Variants in PTPRN2 observed in about 807,000 individuals in gnomAD.
PTPRN2 encodes the protein receptor-type tyrosine-protein phosphatase N2.
A neutral mutation model predicts 118.8 loss-of-function variants in PTPRN2; 74 were observed. That is an observed-to-expected ratio of 0.62 (90% CI 0.52 to 0.76). The LOEUF (loss-of-function observed/expected upper bound fraction) is 0.76, where lower values mean the gene tolerates loss of function less well. Ranked by LOEUF, PTPRN2 falls within the 30% of genes least tolerant of loss-of-function variation. The pLI, the probability that PTPRN2 is intolerant of heterozygous loss-of-function variation, is 0.00. For synonymous variants in PTPRN2, 641 were observed against 608.0 expected, an observed-to-expected ratio of 1.05 and a Z score of -0.80; for missense variants, 1,481 against 1,394.4, an observed-to-expected ratio of 1.06 and a Z score of -0.99.
At chr7:157,759,759 C>T (rs771265894) in intron 12 of PTPRN2, among the ~76,000 whole-genome samples, 1 of 152,194 alleles carries the variant, frequency 6.6e-6, no homozygotes, top group Non-Finnish European at 1.5e-5. Flanking sequence ...TGAGAATGGT[C>T]GCCTGGGCAG....
chr7:158,453,750 A>G (rs114663015), intron 2 of PTPRN2, among the ~76,000 whole-genome samples: 2,881 of 152,376 alleles, frequency 0.019, 86 homozygotes, highest in South Asian at 0.066. Flanking sequence ...TCTCCTAAGT[A>G]CTAAGCATTC....
intron 1 of PTPRN2, among the ~76,000 whole-genome samples, chr7:158,490,259 A>C (rs551785910): frequency 4.1e-4 from 62 of 152,312 alleles, no homozygotes; most frequent in African/African-American, 1.3e-3. Context: ...TGGGAAGCAA[A>C]CCGTGGCGTC....
At chr7:157,746,851 C>A (rs1222485881) in intron 12 of PTPRN2, among the ~76,000 whole-genome samples, 1 of 148,730 alleles carries the variant, frequency 6.7e-6, no homozygotes, top group Non-Finnish European at 1.5e-5. Flanking sequence ...CCCTGAGCTG[C>A]GGGCAGTTGA....
At chr7:157,757,100 G>GA (rs112331698) in intron 12 of PTPRN2, among the ~76,000 whole-genome samples, 1,876 of 151,760 alleles carry the variant, frequency 0.012, 40 homozygotes, top group African/African-American at 0.043. Flanking sequence ...CAAGATAAAA[G>GA]TTTTTTTTTA....
intron 6 of PTPRN2, among the ~76,000 whole-genome samples, chr7:158,163,433 T>C (rs1822556010): frequency 6.6e-6 from 1 of 151,524 alleles, no homozygotes; most frequent in East Asian, 2.0e-4. Flanking sequence ...GCGTGTTTCA[T>C]AGGTGACGCC....
At chr7:158,492,479 C>A (rs1821531915) in intron 1 of PTPRN2, among the ~76,000 whole-genome samples, 1 of 152,220 alleles carries the variant, frequency 6.6e-6, no homozygotes, top group African/African-American at 2.4e-5. Flanking sequence ...AGATGTGCAT[C>A]AAATGATCTC....
chr7:158,097,885 A>G (rs1229779115), intron 10 of PTPRN2, among the ~76,000 whole-genome samples: 1 of 152,232 alleles, frequency 6.6e-6, no homozygotes, highest in Non-Finnish European at 1.5e-5. Context: ...TCTGAGAGTG[A>G]CAGCTTGCGC....
Position 157,893,374 on chromosome 7 carries a change from G to A in PTPRN2, c.1788+5299C>T, listed in dbSNP as rs1015368120. Among the ~76,000 whole-genome samples the A allele has an allele frequency of 1.3e-5, 2 of 152,166 alleles. No individual in the cohort carries two copies. The highest frequency in any genetic ancestry group is 2.9e-5 in the Non-Finnish European group (2 of 68,024). On this transcript the variant is annotated intron_variant, in intron 12 of 22. Coordinates refer to ENST00000389418, the MANE Select transcript of PTPRN2 (RefSeq NM_002847.5). The surrounding 1 kb of genome is among the most constrained non-coding windows in gnomAD (Gnocchi z 4.0). ...TCCTGCCTCTGCCCTCAGCCCCCAC[G>A]GTCCCCCGCAGTCTAGGGAGAACCT...
intron 11 of PTPRN2, among the ~76,000 whole-genome samples, chr7:157,971,957 C>A (rs4236185): frequency 0.5 from 76,087 of 152,024 alleles, 19,207 homozygotes; most frequent in Admixed American, 0.56. Context: ...TTCTGCATAC[C>A]CAAGTGAGAA....
At chr7:158,308,256 C>T (rs1586193155) in intron 3 of PTPRN2, among the ~76,000 whole-genome samples, 1 of 152,044 alleles carries the variant, frequency 6.6e-6, no homozygotes, top group South Asian at 2.1e-4. Context: ...TTCAGAAAAT[C>T]GATCCTTCAA....
chr7:158,238,552 T>C (rs558854854), intron 3 of PTPRN2, among the ~76,000 whole-genome samples: 2 of 152,324 alleles, frequency 1.3e-5, no homozygotes, highest in South Asian at 4.1e-4. Context: ...TTGGAACTTA[T>C]TTTATTTTAG....
intron 12 of PTPRN2, among the ~76,000 whole-genome samples, chr7:157,895,619 A>G (rs1236838938): frequency 6.6e-6 from 1 of 152,220 alleles, no homozygotes; most frequent in Non-Finnish European, 1.5e-5. Flanking sequence ...TTTACAGCAG[A>G]TTAGACAGAG....
At chr7:158,523,207 G>C (rs1018451785) in intron 1 of PTPRN2, among the ~76,000 whole-genome samples, 2 of 152,304 alleles carry the variant, frequency 1.3e-5, no homozygotes, top group South Asian at 4.1e-4. Context: ...TTGGGGTCTG[G>C]GGAGCCCCAG....
chr7:158,377,718 G>C (rs1044410362), intron 2 of PTPRN2, among the ~76,000 whole-genome samples: 1 of 152,222 alleles, frequency 6.6e-6, no homozygotes, highest in East Asian at 1.9e-4. Context: ...CTGAAAAGTG[G>C]AACAATCCAA....
At chr7:158,355,784 G>A (rs762488270) in intron 2 of PTPRN2, among the ~76,000 whole-genome samples, 2 of 152,230 alleles carry the variant, frequency 1.3e-5, no homozygotes, top group African/African-American at 2.4e-5. Context: ...TCCAGGGAAC[G>A]CAGGGGAAGA....
rs75305609 is a variant in PTPRN2 at position 157,824,488 on chromosome 7, C to T, written c.1788+74185G>A. 3.5e-3 allele frequency among the ~76,000 whole-genome samples: 538 copies of T among 152,326 alleles called. 8 individuals carry two copies. The highest frequency in any genetic ancestry group is 0.012 in the African/African-American group (505 of 41,578). On this transcript the variant is annotated intron_variant, in intron 12 of 22. Transcript: ENST00000389418. ...CCGTGGATTCTCTGTGCCTGCATGG[C>T]GTGAGGTGTGTCACTGACACTCAGG...
chr7:157,864,325 C>G (rs539736969), intron 12 of PTPRN2: 1 of 152,148 alleles, frequency 6.6e-6, no homozygotes, highest in South Asian at 2.1e-4. Flanking sequence ...CCCCAGATGC[C>G]GACACCTGGG....
chr7:158,486,822 A>G (rs1821067307), intron 2 of PTPRN2, among the ~76,000 whole-genome samples: 1 of 152,192 alleles, frequency 6.6e-6, no homozygotes, highest in South Asian at 2.1e-4. Flanking sequence ...TTAAGTGTAC[A>G]GTTCGGTGGT....
rs145174529 is a variant in PTPRN2 at position 157,722,498 on chromosome 7, G to A, written c.1789-39561C>T. ...CGTGGCTCCCGTGGGTGGTGCAGAC[G>A]AGCAGTGAATGAAGATGAAGCTGGA... is the stretch of plus-strand genomic sequence containing the variant. On this transcript the variant is annotated intron_variant, in intron 12 of 22. Coordinates refer to ENST00000389418, the MANE Select transcript of PTPRN2 (RefSeq NM_002847.5). Among the ~76,000 whole-genome samples the A allele has an allele frequency of 2.9e-3, 441 of 152,302 alleles. 1 individual carries two copies. The highest frequency in any genetic ancestry group is 0.01 in the African/African-American group (423 of 41,572).
Sources: allele counts gnomAD v4.1 joint callset (sites outside exome capture counted in the v4.1 genomes callset), GRCh38; gene constraint gnomAD v4.1.1; non-coding constraint Gnocchi (gnomAD v3.1); transcripts MANE v1.5; gene names NCBI Gene and HGNC (gene_info 2026-07-23, HGNC 2026-07-21).